Variants in CLSTN1 observed in about 807,000 individuals in gnomAD.
CLSTN1 encodes calsyntenin 1, also known as calsyntenin-1.
Under a neutral mutation model 108.3 loss-of-function variants are expected in CLSTN1, and 28 were observed. The observed-to-expected ratio is 0.26, with a 90% CI of 0.19 to 0.35. CLSTN1 has a LOEUF of 0.35. CLSTN1 is among the 10% of genes least tolerant of loss of function. The pLI is 1.00. For missense variants in CLSTN1, 1,157 were observed against 1,302.6 expected (o/e 0.89, Z 1.72); for synonymous variants, 524 against 534.9 (o/e 0.98, Z 0.28).
intron 2 of CLSTN1, among the ~76,000 whole-genome samples, chr1:9,762,759 G>A (rs1295631859): frequency 2.0e-5 from 3 of 146,490 alleles, no homozygotes; most frequent in African/African-American, 5.1e-5. Flanking sequence ...TGTCCCTGAC[G>A]TTGGGTGACC....
chr1:9,730,654 C>A lies in CLSTN1; in HGVS notation c.2800G>T (p.Glu934Ter). 3.7e-6 allele frequency: 6 copies of A among 1,607,696 alleles called. No individual in the cohort carries two copies. The highest frequency in any genetic ancestry group is 5.1e-6 in the Non-Finnish European group (6 of 1,178,600). ...TCTTCTTCGCCGTCCTCGCTTTCCT[C>A]TTCCTCTTCCTCTTCCTCCTCCTCC... is the stretch of plus-strand genomic sequence containing the variant. ...SEEEEEEEEE[E>*]ESEDGEEEDD... The change falls in exon 19 of 19, where the codon GAG (glutamate) becomes TAG (stop). Residue 934 changes from glutamate to a stop codon, truncating the protein, a stop_gained. Coordinates refer to ENST00000377298, the MANE Select transcript of CLSTN1 (RefSeq NM_001009566.3). LOFTEE classifies it high-confidence loss of function. The surrounding 1 kb of genome is among the most constrained non-coding windows in gnomAD (Gnocchi z 5.6).
At chr1:9,821,201 C>T (rs1431226469) in intron 1 of CLSTN1, among the ~76,000 whole-genome samples, 1 of 152,144 alleles carries the variant, frequency 6.6e-6, no homozygotes, top group African/African-American at 2.4e-5. Context: ...GGCGCAATCT[C>T]GGCTCACTGC....
intron 1 of CLSTN1, among the ~76,000 whole-genome samples, chr1:9,791,176 C>A (rs1653756558): frequency 1.3e-5 from 2 of 148,592 alleles, no homozygotes; most frequent in East Asian, 2.1e-4. Flanking sequence ...GGAATTGTTT[C>A]TCCTGTTAAA....
At chr1:9,770,998 T>C (rs1187520509) in intron 2 of CLSTN1, among the ~76,000 whole-genome samples, 1 of 151,448 alleles carries the variant, frequency 6.6e-6, no homozygotes, top group Non-Finnish European at 1.5e-5. Context: ...GTCTCAAAAA[T>C]AAAACAAAAC....
intron 1 of CLSTN1, among the ~76,000 whole-genome samples, chr1:9,796,501 C>G (rs1427083940): frequency 6.7e-6 from 1 of 149,214 alleles, no homozygotes; most frequent in Non-Finnish European, 1.5e-5. Flanking sequence ...ACATGAAACC[C>G]CGTCTCTACT....
intron 1 of CLSTN1, among the ~76,000 whole-genome samples, chr1:9,779,730 G>A (rs978271532): frequency 6.6e-6 from 1 of 151,858 alleles, no homozygotes; most frequent in African/African-American, 2.4e-5. Flanking sequence ...TCCAGCTCAG[G>A]TATCTATGAA....
chr1:9,807,784 C>G (rs976817851), intron 1 of CLSTN1, among the ~76,000 whole-genome samples: 1 of 152,226 alleles, frequency 6.6e-6, no homozygotes, highest in East Asian at 1.9e-4. Context: ...GGCATGGGGG[C>G]CCCTCCTCCC....
Position 9,790,986 on chromosome 1 carries a change from GC to G in CLSTN1, c.92-17593del, listed in dbSNP as rs1288644762. On this transcript the variant is annotated intron_variant, in intron 1 of 18. Coordinates refer to ENST00000377298, the MANE Select transcript of CLSTN1 (RefSeq NM_001009566.3). ...GTCTCTACTAAAAATACAAAAATTA[GC>G]CAGGCGTGGTGGTGGGCGCCTGTAG... 6.0e-5 allele frequency among the ~76,000 whole-genome samples: 9 copies of G among 151,136 alleles called. 3 individuals carry two copies. In the South Asian group the frequency reaches 1.1e-3, roughly 18 times the overall value.
chr1:9,792,171 G>A (rs147796246), intron 1 of CLSTN1, among the ~76,000 whole-genome samples: 94 of 150,922 alleles, frequency 6.2e-4, no homozygotes, highest in African/African-American at 2.2e-3. Flanking sequence ...AGGCGACAGC[G>A]AGACTCCACT....
chr1:9,751,368 G>T, intron 5 of CLSTN1, 105 bp downstream of exon 5: 2 of 1,065,394 alleles, frequency 1.9e-6, no homozygotes, highest in African/African-American at 1.6e-5. Flanking sequence ...TCTCCAACTT[G>T]TGAGTTCCAT....
At chr1:9,806,561 T>C (rs1229304418) in intron 1 of CLSTN1, among the ~76,000 whole-genome samples, 1 of 152,114 alleles carries the variant, frequency 6.6e-6, no homozygotes, top group Admixed American at 6.6e-5. Context: ...TGTAGTTAAA[T>C]TTGTACAAAG....
intron 4 of CLSTN1, among the ~76,000 whole-genome samples, chr1:9,754,315 A>G (rs1172077794): frequency 6.6e-6 from 1 of 152,080 alleles, no homozygotes; most frequent in African/African-American, 2.4e-5. Flanking sequence ...TAATCCTAGC[A>G]CTTTGGGAGG....
chr1:9,737,608 C>T (rs1332445031), intron 10 of CLSTN1, 54 bp from the exon 11 acceptor site: 3 of 1,519,780 alleles, frequency 2.0e-6, no homozygotes, highest in Non-Finnish European at 2.7e-6. Flanking sequence ...TTAGGGTCTT[C>T]AAACCGGACC....
intron 1 of CLSTN1, among the ~76,000 whole-genome samples, chr1:9,773,927 A>G (rs1166707431): frequency 6.6e-6 from 1 of 151,254 alleles, no homozygotes; most frequent in Non-Finnish European, 1.5e-5. Context: ...CTCTTTGTAC[A>G]GACAGGGTTT....
chr1:9,789,607 A>G (rs912555267), intron 1 of CLSTN1, among the ~76,000 whole-genome samples: 14 of 151,556 alleles, frequency 9.2e-5, no homozygotes, highest in Middle Eastern at 3.4e-3. Flanking sequence ...TCCCCTCTCA[A>G]TACCGCATCA....
chr1:9,753,439 C>G (rs1388494877), intron 4 of CLSTN1, among the ~76,000 whole-genome samples: 1 of 152,078 alleles, frequency 6.6e-6, no homozygotes, highest in Non-Finnish European at 1.5e-5. Context: ...GGAGGTGCAG[C>G]AACACACTCA....
At chr1:9,732,568 C>T (rs962061078) in intron 16 of CLSTN1, among the ~76,000 whole-genome samples, 3 of 152,194 alleles carry the variant, frequency 2.0e-5, no homozygotes, top group Non-Finnish European at 2.9e-5. Flanking sequence ...AAACAGGCAC[C>T]GAATTTAGCA....
At chr1:9,776,339 C>T (rs1652941261) in intron 1 of CLSTN1, among the ~76,000 whole-genome samples, 1 of 152,170 alleles carries the variant, frequency 6.6e-6, no homozygotes, top group East Asian at 1.9e-4. Context: ...AGAGCAAATC[C>T]TTCTGGCTTC....
intron 1 of CLSTN1, among the ~76,000 whole-genome samples, chr1:9,809,129 C>T (rs959510334): frequency 6.6e-6 from 1 of 152,182 alleles, no homozygotes; most frequent in Non-Finnish European, 1.5e-5. Context: ...CCCTTATTCT[C>T]TGCCAAGACT....
Sources: allele counts gnomAD v4.1 joint callset (sites outside exome capture counted in the v4.1 genomes callset), GRCh38; gene constraint gnomAD v4.1.1; non-coding constraint Gnocchi (gnomAD v3.1); transcripts MANE v1.5; gene names NCBI Gene and HGNC (gene_info 2026-07-23, HGNC 2026-07-21).